STX7: variants seen among roughly 807,000 people sequenced by gnomAD.
STX7 encodes syntaxin 7, also known as syntaxin-7.
In STX7, 34 loss-of-function variants were observed where a neutral mutation model predicts 39.6. The observed-to-expected ratio is 0.86, with a 90% CI of 0.65 to 1.14. STX7 has a LOEUF of 1.14. STX7 is among the 50% of genes most tolerant of loss of function. STX7 has a pLI of 0.00. For missense variants in STX7, 284 were observed against 310.4 expected (o/e 0.92, Z 0.64); for synonymous variants, 119 against 99.1 (o/e 1.20, Z -1.19).
Position 132,460,636 on chromosome 6 carries a change from A to C in STX7, c.*122T>G. 1 of 697,780 alleles carries C rather than the reference A, an allele frequency of 1.4e-6. No homozygotes were observed. The highest frequency in any genetic ancestry group is 2.2e-6 in the Non-Finnish European group (1 of 454,478). 43.2% of individuals were successfully genotyped at this position (697,780 alleles called of 1,614,324 possible). ...CCACCCCAACCCCCCCAATAAAAAT[A>C]ACAAAGTATGGGAACCATCCTTTAT... On this transcript the variant is annotated 3_prime_UTR_variant, in exon 10 of 10. Coordinates refer to ENST00000367941, the MANE Select transcript of STX7 (RefSeq NM_003569.3).
chr6:132,474,764 C>T (rs974185455), intron 3 of STX7, among the ~76,000 whole-genome samples: 4 of 152,174 alleles, frequency 2.6e-5, no homozygotes, highest in African/African-American at 9.7e-5. Context: ...GTAAAATCCA[C>T]AACATACCAC....
intron 3 of STX7, among the ~76,000 whole-genome samples, chr6:132,473,948 G>C (rs1332543053): frequency 1.3e-5 from 2 of 151,274 alleles, no homozygotes; most frequent in East Asian, 1.9e-4. Context: ...GAAGACCTTA[G>C]GCTGGACATG....
Position 132,464,065 on chromosome 6 carries a change from T to A in STX7, c.621A>T (p.Glu207Asp). 6.2e-7 allele frequency: 1 copy of A among 1,613,998 alleles called. No individual in the cohort carries two copies. Among genetic ancestry groups the A allele is most frequent in the South Asian group, 1.1e-5 (1 of 91,072 alleles). ...HEQGDVIDSI[E>D]ANVENAEVHV... ...GCACCTCTGCATTTTCCACATTGGC[T>A]TCTATGCTATCTGTAAAATAAAACA... The change falls in exon 9 of 10, where the codon GAA (glutamate) becomes GAT (aspartate). Residue 207 changes from glutamate (E) to aspartate (D), a missense_variant. Glu to Asp is a conservative substitution (Grantham distance 45, BLOSUM62 2). Coordinates refer to ENST00000367941, the MANE Select transcript of STX7 (RefSeq NM_003569.3).
Position 132,460,808 on chromosome 6 carries a change from CAAGGAT to C in STX7, c.730_735del (p.Ile244_Leu245del). 6.2e-7 allele frequency: 1 copy of C among 1,613,510 alleles called. No individual in the cohort carries two copies. Among genetic ancestry groups the C allele is most frequent in the Non-Finnish European group, 8.5e-7 (1 of 1,179,766 alleles). ...AGACTGATAATCGCAACTCCAATGA[CAAGGAT>C]AAGAATGATGATGCACAGGGTTTTT... On this transcript the variant is annotated inframe_deletion, in exon 10 of 10. Coordinates refer to ENST00000367941, the MANE Select transcript of STX7 (RefSeq NM_003569.3).
In STX7 at chr6:132,446,922, T is replaced by C. The variant is rs1418260892; in HGVS notation, c.*13836A>G. The C allele has an allele frequency of 6.6e-6, 1 of 152,020 alleles. No homozygotes were observed. The allele number at this position is 152,020 out of a possible 1,614,324, so 9.4% of individuals were successfully genotyped here. A position where few individuals can be genotyped will look rare whatever the true frequency, so the allele number is the denominator to read the frequency against. ...TGGAGTCAATTCCATCCAAAGCCAA[T>C]AGAAGAGAGACAGTACTCTAAAAGA... On this transcript the variant is annotated 3_prime_UTR_variant, in exon 10 of 10. Transcript: ENST00000367941.
rs1774104864 is a variant in STX7, at chr6:132,449,934, G to A, written c.*10824C>T. Reference sequence around the variant, plus strand: ...AATTAGGGAGGCTTTCCTTCGGAGGGGATTTTCATCCACTTCTTAGAGTAA... The same window carrying A: ...AATTAGGGAGGCTTTCCTTCGGAGGAGATTTTCATCCACTTCTTAGAGTAA... On this transcript the variant is annotated 3_prime_UTR_variant, in exon 10 of 10. Transcript: ENST00000367941. The A allele has an allele frequency of 6.6e-6, 1 of 152,116 alleles. No individual in the cohort carries two copies. The highest frequency in any genetic ancestry group is 1.5e-5 in the Non-Finnish European group (1 of 68,022). The allele number at this position is 152,116 out of a possible 1,614,324, so 9.4% of individuals were successfully genotyped here. A position where few individuals can be genotyped will look rare whatever the true frequency, so the allele number is the denominator to read the frequency against.
intron 2 of STX7, among the ~76,000 whole-genome samples, chr6:132,485,779 C>G (rs2153173): frequency 0.27 from 40,931 of 152,024 alleles, 6,301 homozygotes; most frequent in East Asian, 0.65. Flanking sequence ...CTTTTTATGT[C>G]CTATTTGTCA....
At chr6:132,481,799 T>C (rs541150716) in intron 2 of STX7, among the ~76,000 whole-genome samples, 1 of 152,310 alleles carries the variant, frequency 6.6e-6, no homozygotes, top group Admixed American at 6.5e-5. Flanking sequence ...ACAAATGCTA[T>C]AACAATGTTT....
intron 2 of STX7, among the ~76,000 whole-genome samples, chr6:132,487,437 T>TGGAC (rs1290935532): frequency 6.6e-6 from 1 of 151,946 alleles, no homozygotes; most frequent in Non-Finnish European, 1.5e-5. Context: ...TGAGAACACA[T>TGGAC]GGACACAGGG....
intron 3 of STX7, among the ~76,000 whole-genome samples, chr6:132,473,053 G>C (rs1457225571): frequency 6.6e-6 from 1 of 152,160 alleles, no homozygotes; most frequent in Admixed American, 6.5e-5. Context: ...CAGCTACTTG[G>C]GTGGCTGAGG....
chr6:132,462,700 T>C (rs1323786723), intron 9 of STX7, among the ~76,000 whole-genome samples: 1 of 151,960 alleles, frequency 6.6e-6, no homozygotes, highest in Non-Finnish European at 1.5e-5. Flanking sequence ...GCTGCATATC[T>C]GAATGACATG....
At chr6:132,500,988 C>CTGT (rs1262329532) in intron 2 of STX7, among the ~76,000 whole-genome samples, 3 of 152,044 alleles carry the variant, frequency 2.0e-5, no homozygotes, top group South Asian at 2.1e-4. Context: ...CATATGGCTT[C>CTGT]TGTTTCACAT....
intron 2 of STX7, among the ~76,000 whole-genome samples, chr6:132,499,032 A>G (rs931235834): frequency 3.9e-5 from 6 of 152,164 alleles, no homozygotes; most frequent in Admixed American, 3.9e-4. Context: ...GACCCACTCA[A>G]ACAGGAAATC....
rs1774121465 is a variant in STX7 at position 132,450,790 on chromosome 6, T to G, written c.*9968A>C. 1 of 151,936 alleles carries G rather than the reference T, an allele frequency of 6.6e-6. No homozygotes were observed. Among genetic ancestry groups the G allele is most frequent in the Admixed American group, 6.6e-5 (1 of 15,240 alleles). The allele number at this position is 151,936 out of a possible 1,614,324, so 9.4% of individuals were successfully genotyped here. On this transcript the variant is annotated 3_prime_UTR_variant, in exon 10 of 10. Transcript: ENST00000367941. ...ACAGAACCTCAGGGACTTACGGAAC[T>G]ACAATAAATCTAACATTTGTGTCAT...
intron 3 of STX7, 24 bp from the exon 4 acceptor site, chr6:132,472,399 C>T: frequency 4.5e-6 from 7 of 1,564,170 alleles, no homozygotes; most frequent in Non-Finnish European, 6.1e-6. Flanking sequence ...ACACGCATTA[C>T]AGCCAAAGGA....
At chr6:132,490,122 T>C (rs7754662) in intron 2 of STX7, among the ~76,000 whole-genome samples, 3,556 of 152,304 alleles carry the variant, frequency 0.023, 128 homozygotes, top group African/African-American at 0.08. Context: ...ATGTGATTTG[T>C]GTAAGAAGCA....
rs548737472 is a variant in STX7, at chr6:132,458,481, T to TTGAGTA, written c.*2271_*2276dup. ...CTGGCTGGTTAATATCAGTCTGTGTTTGAGTATTTCTTTTGAGCACACAAA... is the reference window on the plus strand; with the variant it reads ...CTGGCTGGTTAATATCAGTCTGTGTTTGAGTATGAGTATTTCTTTTGAGCACACAAA... On this transcript the variant is annotated 3_prime_UTR_variant, in exon 10 of 10. Transcript: ENST00000367941. The TTGAGTA allele has an allele frequency of 1.7e-3, 252 of 152,348 alleles. 2 individuals carry two copies. The highest frequency in any genetic ancestry group is 5.9e-3 in the African/African-American group (247 of 41,590). The allele number at this position is 152,348 out of a possible 1,614,324, so 9.4% of individuals were successfully genotyped here.
chr6:132,475,705 AAGGT>A, intron 2 of STX7, 43 bp from the exon 3 acceptor site: 1 of 1,411,074 alleles, frequency 7.1e-7, no homozygotes, highest in Non-Finnish European at 9.8e-7. Context: ...CACAAAAGTT[AAGGT>A]AACAGAAAGA....
chr6:132,465,509 C>A (rs1178195552), intron 8 of STX7, among the ~76,000 whole-genome samples: 1 of 152,188 alleles, frequency 6.6e-6, no homozygotes, highest in East Asian at 1.9e-4. Context: ...CCAACCAGTA[C>A]CCATGCAGCT....
Sources: gnomAD v4.1 joint callset for allele counts (sites outside exome capture counted in the v4.1 genomes callset) on GRCh38, gnomAD v4.1.1 for gene constraint, MANE v1.5 for transcripts, NCBI Gene and HGNC (gene_info 2026-07-23, HGNC 2026-07-21) for gene names.